DNAJB1: variants seen among roughly 807,000 people sequenced by gnomAD.
DNAJB1 encodes DnaJ heat shock protein family (Hsp40) member B1.
Under a neutral mutation model 24.0 loss-of-function variants are expected in DNAJB1, and 14 were observed. The observed-to-expected ratio is 0.58, with a 90% CI of 0.39 to 0.91. The LOEUF (loss-of-function observed/expected upper bound fraction) is 0.91, where lower values mean the gene tolerates loss of function less well. Ranked by LOEUF, DNAJB1 falls within the 40% of genes least tolerant of loss-of-function variation. The pLI, the probability that DNAJB1 is intolerant of heterozygous loss-of-function variation, is 0.00. For missense variants in DNAJB1, 517 were observed against 458.1 expected (o/e 1.13, Z -1.17); for synonymous variants, 262 against 174.4 (o/e 1.50, Z -3.96).
At chr19:14,521,216 T>C (rs992311003), upstream of DNAJB1, among the ~76,000 whole-genome samples, 12 of 152,192 alleles carry the variant, frequency 7.9e-5, no homozygotes, top group Admixed American at 6.5e-4. Context: ...CCCAGCACTT[T>C]GGGAGGCTGA....
intron 1 of DNAJB1, 70 bp downstream of exon 1, chr19:14,518,069 A>G (rs2072307194): frequency 7.5e-7 from 1 of 1,337,600 alleles, no homozygotes; most frequent in South Asian, 1.7e-5. Flanking sequence ...GGCCGCCGAG[A>G]GGGGCCAGCG....
chr19:14,517,904 G>C (rs1430801475), intron 1 of DNAJB1: 1 of 405,748 alleles, frequency 2.5e-6, no homozygotes, highest in South Asian at 9.0e-5. Flanking sequence ...GAGGCGCCCG[G>C]GGAGGGGCAG....
In DNAJB1 at chr19:14,515,632, G is replaced by A; in HGVS notation, c.*308C>T. The A allele has an allele frequency of 2.7e-6, 1 of 369,258 alleles. No individual in the cohort carries two copies. Among genetic ancestry groups the A allele is most frequent in the Non-Finnish European group, 4.9e-6 (1 of 202,524 alleles). The allele number at this position is 369,258 out of a possible 1,614,324, so 22.9% of individuals were successfully genotyped here. On this transcript the variant is annotated 3_prime_UTR_variant, in exon 3 of 3. Coordinates refer to ENST00000254322, the MANE Select transcript of DNAJB1 (RefSeq NM_006145.3). Reference sequence around the variant, plus strand: ...AGGGATCAAGTCCATCTGCTGGTCTGCCTCTCACCCCTGGCCAGGGACTGG... The same window carrying A: ...AGGGATCAAGTCCATCTGCTGGTCTACCTCTCACCCCTGGCCAGGGACTGG...
At chr19:14,518,596 C>A (rs1459214672), upstream of DNAJB1, among the ~76,000 whole-genome samples, 2 of 152,050 alleles carry the variant, frequency 1.3e-5, no homozygotes, top group African/African-American at 4.8e-5. Context: ...TCCCGCTCCG[C>A]CCTCGGCAAC....
At chr19:14,552,659 C>G (rs930589357), upstream of DNAJB1, among the ~76,000 whole-genome samples, 2 of 151,926 alleles carry the variant, frequency 1.3e-5, no homozygotes, top group Admixed American at 1.3e-4. Context: ...CTCAGCCTCC[C>G]GAGTAGCTGG....
intron 1 of DNAJB1, among the ~76,000 whole-genome samples, chr19:14,537,899 C>T (rs527821894): frequency 6.6e-6 from 1 of 152,084 alleles, no homozygotes; most frequent in East Asian, 1.9e-4. Flanking sequence ...GTGCCCACCA[C>T]CACACTTGGC....
chr19:14,518,317 C>T lies in DNAJB1; in HGVS notation c.33G>A (p.Leu11=). Residue 11 remains leucine, a synonymous_variant, in exon 1 of 3, where the codon CTG becomes CTA. Coordinates refer to ENST00000254322, the MANE Select transcript of DNAJB1 (RefSeq NM_006145.3). ...TCTCCTCGTCCGACGCGCCGCGGGC[C>T]AGGCCCAACGTCTGGTAGTAGTCTT... MGKDYYQTLG[L]ARGASDEEIK... The T allele has an allele frequency of 5.6e-6, 9 of 1,605,098 alleles. No homozygotes were observed. The highest frequency in any genetic ancestry group is 1.1e-5 in the South Asian group (1 of 90,582).
chr19:14,526,088 T>C (rs1385232282), intron 2 of DNAJB1, among the ~76,000 whole-genome samples: 1 of 152,158 alleles, frequency 6.6e-6, no homozygotes, highest in Non-Finnish European at 1.5e-5. Context: ...ACATCACATC[T>C]CTGGCATTCA....
upstream of DNAJB1, among the ~76,000 whole-genome samples, chr19:14,522,489 A>AAT (rs2072371923): frequency 6.8e-6 from 1 of 147,374 alleles, no homozygotes; most frequent in African/African-American, 2.5e-5. Context: ...GTCTCGAAGA[A>AAT]AAAAAAAAAA....
At chr19:14,554,014 G>C (rs1253195810), upstream of DNAJB1, among the ~76,000 whole-genome samples, 1 of 152,198 alleles carries the variant, frequency 6.6e-6, no homozygotes, top group Non-Finnish European at 1.5e-5. Context: ...GAGAGAGCCT[G>C]CCGGAGCTTT....
intron 1 of DNAJB1, among the ~76,000 whole-genome samples, chr19:14,542,347 G>GGGTTTTTTTTT (rs2073124658): frequency 1.4e-3 from 60 of 43,302 alleles, no homozygotes; most frequent in African/African-American, 4.8e-3. Context: ...ATGCCATAGT[G>GGGTTTTTTTTT]TTTTTTTTTT....
At chr19:14,551,311 G>A (rs568418782), upstream of DNAJB1, among the ~76,000 whole-genome samples, 142 of 150,736 alleles carry the variant, frequency 9.4e-4, no homozygotes, top group Middle Eastern at 7.2e-3. Context: ...CTGACCTCAG[G>A]TGATCCACCC....
intron 2 of DNAJB1, among the ~76,000 whole-genome samples, chr19:14,524,688 A>T (rs895528936): frequency 1.1e-4 from 16 of 151,540 alleles, no homozygotes; most frequent in African/African-American, 3.9e-4. Flanking sequence ...TCTATTAAAA[A>T]TGCAAAAATT....
chr19:14,518,499 G>A (rs1174841363), upstream of DNAJB1: 1 of 557,666 alleles, frequency 1.8e-6, no homozygotes, highest in Non-Finnish European at 2.6e-6. Flanking sequence ...CCGCGGCGCC[G>A]GCCAATCGCC....
intron 1 of DNAJB1, among the ~76,000 whole-genome samples, chr19:14,555,371 C>T (rs2073683166): frequency 6.6e-6 from 1 of 151,516 alleles, no homozygotes. Flanking sequence ...GCCTCAGCCT[C>T]CTGAGTAGCT....
chr19:14,534,423 CTTTTTTTTTTTTTTTTTTT>C (rs756051119), upstream of DNAJB1, among the ~76,000 whole-genome samples: 2 of 52,452 alleles, frequency 3.8e-5, no homozygotes, highest in African/African-American at 1.9e-4. Flanking sequence ...CATGCCTGGC[CTTTTTTTTTTTTTTTTTTT>C]TTTTTTTTTT....
chr19:14,552,977 G>A (rs1158021868), upstream of DNAJB1, among the ~76,000 whole-genome samples: 3 of 152,032 alleles, frequency 2.0e-5, no homozygotes, highest in Admixed American at 6.6e-5. Context: ...AGTGCTCCTC[G>A]GAGGCCCTGA....
chr19:14,544,635 C>CTT (rs545193107), intron 1 of DNAJB1, among the ~76,000 whole-genome samples: 5 of 134,204 alleles, frequency 3.7e-5, no homozygotes, highest in Non-Finnish European at 4.7e-5. Flanking sequence ...TTGGCCATTC[C>CTT]TTTTTTTTTT....
At chr19:14,529,812 G>GGAA, upstream of DNAJB1, 1 of 1,561,256 alleles carries the variant, frequency 6.4e-7, no homozygotes, top group African/African-American at 1.4e-5. Flanking sequence ...GTGCCCCGAA[G>GGAA]GAAGAGCCAG....
Sources: gnomAD v4.1 joint callset for allele counts (sites outside exome capture counted in the v4.1 genomes callset) on GRCh38, gnomAD v4.1.1 for gene constraint, MANE v1.5 for transcripts, NCBI Gene and HGNC (gene_info 2026-07-23, HGNC 2026-07-21) for gene names.